Variants in HPS4 observed in about 807,000 individuals in gnomAD.
HPS4 encodes BLOC-3 complex member HPS4.
In HPS4, 44 loss-of-function variants were observed where a neutral mutation model predicts 70.3. That is an observed-to-expected ratio of 0.63 (90% CI 0.49 to 0.80). The LOEUF (loss-of-function observed/expected upper bound fraction) is 0.80. Ranked by LOEUF, HPS4 falls within the 30% of genes least tolerant of loss-of-function variation. The pLI, the probability that HPS4 is intolerant of heterozygous loss-of-function variation, is 0.00. For missense variants in HPS4, 873 were observed against 884.4 expected (o/e 0.99, Z 0.16); for synonymous variants, 377 against 355.9 (o/e 1.06, Z -0.67).
At chr22:26,457,708 C>A in intron 13 of HPS4, 151 bp downstream of exon 13, 1 of 689,840 alleles carries the variant, frequency 1.4e-6, no homozygotes, top group South Asian at 1.6e-5. Flanking sequence ...TGGATGATGG[C>A]GGCAATAGGA....
At position 26,458,648 on chromosome 22, in the gene HPS4, C is replaced by T. The variant is rs926995945; in HGVS notation, c.1714-71G>A. ...AAGCCTTCTGAGGGCTAGTTAACCACAGACTTAGTTAAAAAAAAAATCCTC... is the reference window on the plus strand; with the variant it reads ...AAGCCTTCTGAGGGCTAGTTAACCATAGACTTAGTTAAAAAAAAAATCCTC... On this transcript the variant is annotated intron_variant, in intron 11 of 13. Coordinates refer to ENST00000398145, the MANE Select transcript of HPS4 (RefSeq NM_022081.6). 13 of 1,576,028 alleles carry T rather than the reference C, an allele frequency of 8.2e-6. No homozygotes were observed. The East Asian group carries it at 2.8e-4, about 33-fold the overall frequency.
chr22:26,470,691 T>G (rs1217386817), intron 7 of HPS4, 28 bp downstream of exon 7: 4 of 1,606,992 alleles, frequency 2.5e-6, no homozygotes, highest in Non-Finnish European at 3.4e-6. Context: ...GGAATGGGGC[T>G]GGAAGAAAGG....
At chr22:26,465,790 G>A (rs972754482) in intron 9 of HPS4, 131 of 579,710 alleles carry the variant, frequency 2.3e-4, no homozygotes, top group Admixed American at 4.0e-4. Flanking sequence ...ATGTTCGGGA[G>A]AGAAAGGTTG....
chr22:26,474,380 G>GA (rs58084000), intron 4 of HPS4, among the ~76,000 whole-genome samples: 46 of 145,286 alleles, frequency 3.2e-4, no homozygotes, highest in Admixed American at 6.2e-4. Context: ...TATCCAGGTG[G>GA]AAAAAAAAAA....
intron 3 of HPS4, 51 bp from the exon 4 acceptor site, chr22:26,477,187 TAA>T: frequency 6.2e-7 from 1 of 1,605,240 alleles, no homozygotes; most frequent in East Asian, 2.2e-5. Context: ...CTTGAACTCT[TAA>T]GTCATTTCTT....
In HPS4 at chr22:26,452,420, T is replaced by C; in HGVS notation, c.*813A>G. ...GCCACCACTGAAAAGCACAGTGCTT[T>C]TACCCCCAGACATCTTGTAAACTCC... is the stretch of plus-strand genomic sequence containing the variant. On this transcript the variant is annotated 3_prime_UTR_variant, in exon 14 of 14. Coordinates refer to ENST00000398145, the MANE Select transcript of HPS4 (RefSeq NM_022081.6). The C allele has an allele frequency of 2.2e-6, 1 of 452,750 alleles. No homozygotes were observed. Among genetic ancestry groups the C allele is most frequent in the Non-Finnish European group, 4.4e-6 (1 of 225,858 alleles). The allele number at this position is 452,750 out of a possible 1,614,324, so 28.0% of individuals were successfully genotyped here.
chr22:26,481,488 A>C (rs921536419), intron 2 of HPS4, among the ~76,000 whole-genome samples: 3 of 152,182 alleles, frequency 2.0e-5, no homozygotes, highest in Non-Finnish European at 4.4e-5. Flanking sequence ...TCTTTTCTAC[A>C]ATCTCCCAGC....
Position 26,464,249 on chromosome 22 carries a change from G to C in HPS4, c.1381C>G (p.Leu461Val), listed in dbSNP as rs1427890997. Reference sequence around the variant, plus strand: ...AAGGGCCTGCGGGTCCTTCTGGGGAGAGGGTCTGCTCTGGGAATGGGGGCT... The same window carrying C: ...AAGGGCCTGCGGGTCCTTCTGGGGACAGGGTCTGCTCTGGGAATGGGGGCT... ...SQAPIPRADP[L>V]PRRTRRPLLL... The change falls in exon 11 of 14, where the codon CTC (leucine) becomes GTC (valine). Residue 461 changes from leucine to valine, a missense_variant. Transcript: ENST00000398145. The C allele has an allele frequency of 1.9e-6, 3 of 1,614,178 alleles. No homozygotes were observed. In the South Asian group the frequency reaches 3.3e-5, roughly 18 times the overall value.
Position 26,464,524 on chromosome 22 carries a change from A to G in HPS4, c.1106T>C (p.Leu369Ser). 4 of 1,614,204 alleles carry G rather than the reference A, an allele frequency of 2.5e-6. No homozygotes were observed. In the South Asian group the frequency reaches 4.4e-5, roughly 18 times the overall value. The change falls in exon 11 of 14, where the codon TTG becomes TCG. Residue 369 changes from leucine to serine, a missense_variant. Transcript: ENST00000398145. Reference sequence around the variant, plus strand: ...AGCCTCTGGAATGTGGATTTCAGACAAGTCGAGTTCTTCTTGGAGAAAGAC... The same window carrying G: ...AGCCTCTGGAATGTGGATTTCAGACGAGTCGAGTTCTTCTTGGAGAAAGAC... Reference protein sequence around the residue: ...ELVFLQEELDLSEIHIPEAQE... With the variant: ...ELVFLQEELDSSEIHIPEAQE...
Position 26,465,569 on chromosome 22 carries a change from T to C in HPS4, c.707-18A>G, listed in dbSNP as rs1569072699. ...TGCCGCTCCTGGAATTGCAAAGCAA[T>C]ATGAACAGGACTTTCCCCTGAGCCA... is the stretch of plus-strand genomic sequence containing the variant. On this transcript the variant is annotated intron_variant, in intron 9 of 13. Transcript: ENST00000398145. 1 of 1,603,496 alleles carries C rather than the reference T, an allele frequency of 6.2e-7. No homozygotes were observed. The highest frequency in any genetic ancestry group is 1.1e-5 in the South Asian group (1 of 90,846).
In HPS4 at chr22:26,451,088, G is replaced by A. The variant is rs972646133; in HGVS notation, c.*2145C>T. ...TCCTGGATCACTGACAGTGGCACTCGGTGTCAACTAGGAGTCCAGGGTGGG... is the reference window on the plus strand; with the variant it reads ...TCCTGGATCACTGACAGTGGCACTCAGTGTCAACTAGGAGTCCAGGGTGGG... On this transcript the variant is annotated 3_prime_UTR_variant, in exon 14 of 14. Coordinates refer to ENST00000398145, the MANE Select transcript of HPS4 (RefSeq NM_022081.6). Among the ~76,000 whole-genome samples, 1 of 152,142 alleles carries A rather than the reference G, an allele frequency of 6.6e-6. No individual in the cohort carries two copies. The highest frequency in any genetic ancestry group is 2.4e-5 in the African/African-American group (1 of 41,414).
In HPS4 at chr22:26,451,543, G is replaced by A. The variant is rs563911164; in HGVS notation, c.*1690C>T. On this transcript the variant is annotated 3_prime_UTR_variant, in exon 14 of 14. Coordinates refer to ENST00000398145, the MANE Select transcript of HPS4 (RefSeq NM_022081.6). The stretch of plus-strand genomic sequence containing the variant: ...GTGCATGAGACTTTTCCATATACAC[G>A]GATAGGCTTTGTACGGTTCCATTTT... 9 of 152,248 alleles carry A rather than the reference G, an allele frequency of 5.9e-5. No homozygotes were observed. In the South Asian group the frequency reaches 6.2e-4, roughly 11 times the overall value. 9.4% of individuals were successfully genotyped at this position (152,248 alleles called of 1,614,324 possible).
Position 26,457,884 on chromosome 22 carries a change from G to A in HPS4, c.1930C>T (p.Pro644Ser). 11 of 1,614,226 alleles carry A rather than the reference G, an allele frequency of 6.8e-6. No individual in the cohort carries two copies. Among genetic ancestry groups the A allele is most frequent in the Admixed American group, 1.7e-5 (1 of 60,034 alleles). Residue 644 changes from proline (P) to serine (S), a missense_variant, in exon 13 of 14, where the codon CCC (proline) becomes TCC (serine). Pro to Ser is a moderately conservative substitution (Grantham distance 74). Coordinates refer to ENST00000398145, the MANE Select transcript of HPS4 (RefSeq NM_022081.6). The stretch of plus-strand genomic sequence containing the variant: ...CTGACAGTCATTTCATAAAGCGCGG[G>A]CAGCTGGGCAAATTCGCTATGCATC... ...SLMHSEFAQL[P>S]ALYEMTVRNA... is the part of the protein sequence containing the mutation.
At position 26,468,558 on chromosome 22, in the gene HPS4, T is replaced by C. The variant is rs1375824115; in HGVS notation, c.662A>G (p.Gln221Arg). The C allele has an allele frequency of 6.2e-7, 1 of 1,613,808 alleles. No individual in the cohort carries two copies. Among genetic ancestry groups the C allele is most frequent in the Non-Finnish European group, 8.5e-7 (1 of 1,179,910 alleles). Reference protein sequence around the residue: ...AKVLLHRTAPQEQRLPTGEDA... With the variant: ...AKVLLHRTAPREQRLPTGEDA... ...GGGTGGACTTTACAATACCTGCTCC[T>C]GAGGTGCTGTTCGGTGAAGCAGGAC... Residue 221 changes from glutamine (Q) to arginine (R), a missense_variant, in exon 8 of 14, where the codon CAG becomes CGG. Physicochemically the swap from Gln to Arg is conservative, Grantham distance 43 (BLOSUM62 1). Transcript: ENST00000398145.
chr22:26,471,659 C>T (rs1197416011), intron 6 of HPS4, among the ~76,000 whole-genome samples: 1 of 152,224 alleles, frequency 6.6e-6, no homozygotes, highest in Admixed American at 6.5e-5. Context: ...TTCCCCATGT[C>T]TGGTGGAGTC....
chr22:26,460,471 G>C (rs780361335), intron 11 of HPS4, among the ~76,000 whole-genome samples: 1 of 152,234 alleles, frequency 6.6e-6, no homozygotes, highest in African/African-American at 2.4e-5. Flanking sequence ...TGGACCTCAA[G>C]AACGTGCTAA....
In HPS4 at chr22:26,465,510, C is replaced by T. The variant is rs777862145; in HGVS notation, c.748G>A (p.Val250Met). 7.6e-5 allele frequency: 122 copies of T among 1,614,016 alleles called. 1 individual carries two copies. The highest frequency in any genetic ancestry group is 6.9e-5 in the Non-Finnish European group (82 of 1,180,008). ...PPNVQIIPVF[V>M]TKEEAISLHE... ...AGACTAATGGCTTCCTCTTTGGTCA[C>T]AAAAACAGGGATAATCTGGACATTC... The change falls in exon 10 of 14, where the codon GTG becomes ATG. Residue 250 changes from valine (V) to methionine (M), a missense_variant. Val to Met is a conservative substitution (Grantham distance 21). Transcript: ENST00000398145.
At chr22:26,479,200 T>C in intron 3 of HPS4, 65 bp downstream of exon 3, 4 of 1,533,990 alleles carry the variant, frequency 2.6e-6, no homozygotes, top group Non-Finnish European at 3.6e-6. Flanking sequence ...ACCCCATACT[T>C]TTGAAAAGTC....
exon 4 of HPS4, chr22:26,444,363 G>C (rs1261607199): frequency 6.6e-6 from 1 of 152,168 alleles, no homozygotes; most frequent in Non-Finnish European, 1.5e-5. Flanking sequence ...GCCAGTGTGT[G>C]CTAGTGAGGA....
Sources: gnomAD v4.1 joint callset for allele counts (sites outside exome capture counted in the v4.1 genomes callset) on GRCh38, gnomAD v4.1.1 for gene constraint, MANE v1.5 for transcripts, NCBI Gene and HGNC (gene_info 2026-07-23, HGNC 2026-07-21) for gene names.